Variants in TBC1D22A observed in about 807,000 individuals in gnomAD.
The protein encoded by TBC1D22A is putative GTPase activator.
In TBC1D22A, 38 loss-of-function variants were observed where a neutral mutation model predicts 60.2. The observed-to-expected ratio is 0.63, with a 90% confidence interval of 0.49 to 0.83. The LOEUF (loss-of-function observed/expected upper bound fraction) is 0.83. Among genes scored for constraint, TBC1D22A ranks in the 40% least tolerant of loss-of-function variants. The probability of loss-of-function intolerance (pLI) is 0.00; values close to 1 mark genes in which losing one functional copy is unlikely to be tolerated. For missense variants in TBC1D22A, 628 were observed against 701.0 expected, an observed-to-expected ratio of 0.90 and a Z score of 1.18; for synonymous variants, 302 against 281.7, an observed-to-expected ratio of 1.07 and a Z score of -0.72.
At chr22:46,873,124 A>G (rs1008791932) in intron 4 of TBC1D22A, among the ~76,000 whole-genome samples, 1 of 152,342 alleles carries the variant, frequency 6.6e-6, no homozygotes, top group Middle Eastern at 3.4e-3. Context: ...CCGGTATGCA[A>G]TGGAACAGAA....
intron 4 of TBC1D22A, among the ~76,000 whole-genome samples, chr22:46,841,404 C>T (rs954112870): frequency 6.6e-6 from 1 of 152,240 alleles, no homozygotes; most frequent in Non-Finnish European, 1.5e-5. Flanking sequence ...CTTAGACTTT[C>T]ACCCTCCAGA....
At position 46,881,784 on chromosome 22, in the gene TBC1D22A, C is replaced by T. The variant is rs534531230; in HGVS notation, c.708+3061C>T. 1.4e-4 allele frequency among the ~76,000 whole-genome samples: 21 copies of T among 152,260 alleles called. No individual in the cohort carries two copies. In the East Asian group the frequency reaches 3.7e-3, roughly 27 times the overall value. ...AGGGGGCAAGCGTTGGTTCTTTTTC[C>T]GGGAACAAGTGCTCACTGTGCATTT... On this transcript the variant is annotated intron_variant, in intron 5 of 12. Coordinates refer to ENST00000337137, the MANE Select transcript of TBC1D22A (RefSeq NM_014346.5).
chr22:46,827,249 G>A (rs778843670), intron 4 of TBC1D22A, among the ~76,000 whole-genome samples: 1 of 152,294 alleles, frequency 6.6e-6, no homozygotes, highest in South Asian at 2.1e-4. Flanking sequence ...TCTGCCCGCC[G>A]TCACCACGCG....
chr22:46,963,085 G>A (rs1446513927), intron 8 of TBC1D22A, among the ~76,000 whole-genome samples: 2 of 151,924 alleles, frequency 1.3e-5, no homozygotes, highest in African/African-American at 4.8e-5. Context: ...GCTGGGCGTG[G>A]TGGTGGGCGC....
intron 10 of TBC1D22A, among the ~76,000 whole-genome samples, chr22:47,005,295 C>T (rs1305759772): frequency 2.0e-5 from 3 of 151,200 alleles, no homozygotes; most frequent in Non-Finnish European, 4.4e-5. Flanking sequence ...TATACACTCA[C>T]TCCTGTATAC....
intron 11 of TBC1D22A, among the ~76,000 whole-genome samples, chr22:47,105,675 A>T (rs888564167): frequency 2.6e-5 from 4 of 152,248 alleles, no homozygotes; most frequent in African/African-American, 7.2e-5. Context: ...ACCTAAAAAA[A>T]TTGCAAGCTA....
At chr22:46,941,794 A>ATG (rs1172861786) in intron 8 of TBC1D22A, among the ~76,000 whole-genome samples, 4 of 143,458 alleles carry the variant, frequency 2.8e-5, no homozygotes, top group African/African-American at 8.0e-5. Context: ...TATATAGAAT[A>ATG]TATAGAATAT....
At chr22:46,862,869 G>A (rs1297187806) in intron 4 of TBC1D22A, among the ~76,000 whole-genome samples, 6 of 152,048 alleles carry the variant, frequency 3.9e-5, no homozygotes, top group Non-Finnish European at 8.8e-5. Context: ...GGAGGAAAGG[G>A]GACAGTCTCT....
chr22:46,823,368 G>A (rs759184842), intron 4 of TBC1D22A, among the ~76,000 whole-genome samples: 8 of 152,266 alleles, frequency 5.3e-5, no homozygotes, highest in African/African-American at 9.6e-5. Flanking sequence ...CAAAGAAATC[G>A]CCACGTGTGC....
chr22:47,023,377 T>G (rs2062151385), intron 10 of TBC1D22A, among the ~76,000 whole-genome samples: 1 of 152,210 alleles, frequency 6.6e-6, no homozygotes, highest in South Asian at 2.1e-4. Flanking sequence ...TTTAAGTAGC[T>G]TTATATACCT....
chr22:47,122,054 C>A (rs559333322), intron 12 of TBC1D22A, among the ~76,000 whole-genome samples: 1 of 152,318 alleles, frequency 6.6e-6, no homozygotes, highest in African/African-American at 2.4e-5. Flanking sequence ...GCACACAGGC[C>A]CATGGCCCTC....
In TBC1D22A at chr22:46,941,622, C is replaced by T. The variant is rs562396155; in HGVS notation, c.1015+29434C>T. Among the ~76,000 whole-genome samples, 238 of 145,838 alleles carry T rather than the reference C, an allele frequency of 1.6e-3. 9 individuals carry two copies. The highest frequency in any genetic ancestry group is 0.013 in the Admixed American group (179 of 14,162). ...AATATATATACGCGGAATATATATACGGAATATATATACGCGGAATATATA... is the reference window on the plus strand; with the variant it reads ...AATATATATACGCGGAATATATATATGGAATATATATACGCGGAATATATA... On this transcript the variant is annotated intron_variant, in intron 8 of 12. Coordinates refer to ENST00000337137, the MANE Select transcript of TBC1D22A (RefSeq NM_014346.5).
intron 10 of TBC1D22A, among the ~76,000 whole-genome samples, chr22:47,008,333 A>G (rs570562687): frequency 6.6e-6 from 1 of 152,266 alleles, no homozygotes; most frequent in African/African-American, 2.4e-5. Flanking sequence ...AGCCCTCTCC[A>G]TTCATTTTCT....
At chr22:47,093,531 A>G (rs2065060712) in intron 11 of TBC1D22A, among the ~76,000 whole-genome samples, 2 of 152,092 alleles carry the variant, frequency 1.3e-5, no homozygotes, top group Admixed American at 1.3e-4. Context: ...TGGCTAGACC[A>G]TTCCTCATCT....
intron 11 of TBC1D22A, among the ~76,000 whole-genome samples, chr22:47,095,605 A>G (rs142162164): frequency 4.4e-4 from 61 of 138,560 alleles, no homozygotes; most frequent in African/African-American, 1.6e-3. Context: ...CTCATGTGGT[A>G]AGGCATCAGG....
intron 12 of TBC1D22A, among the ~76,000 whole-genome samples, chr22:47,169,948 T>A (rs1251470264): frequency 1.3e-5 from 2 of 152,244 alleles, no homozygotes; most frequent in East Asian, 3.8e-4. Context: ...GCCATGTCCC[T>A]GAATGTGACC....
chr22:47,156,012 C>A (rs566817688), intron 12 of TBC1D22A, among the ~76,000 whole-genome samples: 13 of 152,230 alleles, frequency 8.5e-5, no homozygotes, highest in South Asian at 6.2e-4. Context: ...ATGTGTGACA[C>A]CGGGTTCATC....
chr22:47,158,660 C>T (rs7292623), intron 12 of TBC1D22A, among the ~76,000 whole-genome samples: 28,813 of 152,144 alleles, frequency 0.19, 3,400 homozygotes, highest in African/African-American at 0.34. Flanking sequence ...TGCTCAGGAC[C>T]CCCTGCAGAG....
chr22:47,128,998 AC>A (rs2066591887), intron 12 of TBC1D22A, among the ~76,000 whole-genome samples: 2 of 152,186 alleles, frequency 1.3e-5, no homozygotes, highest in African/African-American at 4.8e-5. Flanking sequence ...GTGCATGTCT[AC>A]GATGCCAGCT....
Sources: gnomAD v4.1 joint callset for allele counts (sites outside exome capture counted in the v4.1 genomes callset) on GRCh38, gnomAD v4.1.1 for gene constraint, MANE v1.5 for transcripts, NCBI Gene and HGNC (gene_info 2026-07-23, HGNC 2026-07-21) for gene names.